KHDRBS2: variants seen among roughly 807,000 people sequenced by gnomAD.
KHDRBS2 encodes KH domain-containing, RNA-binding, signal transduction-associated protein 2.
Under a neutral mutation model 44.3 loss-of-function variants are expected in KHDRBS2, and 26 were observed. That is an observed-to-expected ratio of 0.59 (90% CI 0.43 to 0.81). The LOEUF is 0.81. Among genes scored for constraint, KHDRBS2 ranks in the 40% least tolerant of loss-of-function variants. The probability of loss-of-function intolerance (pLI) is 0.00; values close to 1 mark genes in which losing one functional copy is unlikely to be tolerated. For missense variants in KHDRBS2, 476 were observed against 433.1 expected, an observed-to-expected ratio of 1.10 and a Z score of -0.88; for synonymous variants, 194 against 151.1, an observed-to-expected ratio of 1.28 and a Z score of -2.08.
the KHDRBS2 span, among the ~76,000 whole-genome samples, chr6:61,666,795 T>C: frequency 6.6e-6 from 1 of 151,346 alleles, no homozygotes; most frequent in Non-Finnish European, 1.5e-5. Context: ...TTGTGACAAA[T>C]AGGTATTTCT....
intron 3 of KHDRBS2, among the ~76,000 whole-genome samples, chr6:62,009,451 C>T (rs1005961379): frequency 1.3e-5 from 2 of 152,172 alleles, no homozygotes; most frequent in African/African-American, 2.4e-5. Flanking sequence ...AAGAAAATCC[C>T]ATTTTCTGAG....
At chr6:62,211,895 T>C (rs1003241293) in intron 1 of KHDRBS2, among the ~76,000 whole-genome samples, 4 of 152,132 alleles carry the variant, frequency 2.6e-5, no homozygotes, top group Non-Finnish European at 5.9e-5. Context: ...AGTAAAGACA[T>C]GGAATCAACC....
At chr6:61,972,343 T>C (rs1314437403) in intron 4 of KHDRBS2, among the ~76,000 whole-genome samples, 1 of 152,178 alleles carries the variant, frequency 6.6e-6, no homozygotes, top group Non-Finnish European at 1.5e-5. Flanking sequence ...TTACAACTTA[T>C]CAGATAAGAA....
chr6:61,776,403 G>T (rs1782009305), intron 6 of KHDRBS2, among the ~76,000 whole-genome samples: 1 of 152,010 alleles, frequency 6.6e-6, no homozygotes, highest in Non-Finnish European at 1.5e-5. Context: ...CTGACAAAGG[G>T]CTAATATCCA....
At chr6:61,829,564 CCT>C (rs1205840720) in intron 6 of KHDRBS2, among the ~76,000 whole-genome samples, 2 of 151,588 alleles carry the variant, frequency 1.3e-5, no homozygotes, top group Admixed American at 1.3e-4. Flanking sequence ...AAAAAAAAAA[CCT>C]AGTAAAAGAT....
the KHDRBS2 span, among the ~76,000 whole-genome samples, chr6:61,559,241 T>C: frequency 6.6e-6 from 1 of 152,152 alleles, no homozygotes; most frequent in Admixed American, 6.5e-5. Context: ...AAACTCCTGC[T>C]CTTTCTGGGT....
rs59793779 is a variant in KHDRBS2, at chr6:61,895,122, GAA to G, written c.612-291_612-290del. Among the ~76,000 whole-genome samples, 105 of 115,860 alleles carry G rather than the reference GAA, an allele frequency of 9.1e-4. 1 individual carries two copies. The highest frequency in any genetic ancestry group is 2.6e-3 in the African/African-American group (84 of 32,064). 76.0% of individuals were successfully genotyped at this position (115,860 alleles called of 152,430 possible). On this transcript the variant is annotated intron_variant, in intron 5 of 8. Coordinates refer to ENST00000281156, the MANE Select transcript of KHDRBS2 (RefSeq NM_152688.4). ...TTATATAACTAAAAACCCAAAGCCAGAAAAAAAAAAAAAACCCAAACAAAAAC... is the reference window on the plus strand; with the variant it reads ...TTATATAACTAAAAACCCAAAGCCAGAAAAAAAAAAAACCCAAACAAAAAC...
At chr6:61,885,482 T>C (rs1800812038) in intron 6 of KHDRBS2, among the ~76,000 whole-genome samples, 1 of 152,182 alleles carries the variant, frequency 6.6e-6, no homozygotes. Flanking sequence ...AGTGTTGTAG[T>C]TCACAATGGA....
chr6:61,625,622 G>A, the KHDRBS2 span, among the ~76,000 whole-genome samples: 10 of 152,044 alleles, frequency 6.6e-5, no homozygotes, highest in South Asian at 8.3e-4. Context: ...CTTTGCTTTC[G>A]GATTGTACTG....
chr6:62,249,925 G>T (rs1348153469), intron 1 of KHDRBS2, among the ~76,000 whole-genome samples: 1 of 152,048 alleles, frequency 6.6e-6, no homozygotes, highest in Non-Finnish European at 1.5e-5. Context: ...TTCCTAGGAT[G>T]TTCTGAAGAT....
chr6:61,772,030 G>A (rs1781009097), intron 6 of KHDRBS2, among the ~76,000 whole-genome samples: 1 of 151,690 alleles, frequency 6.6e-6, no homozygotes, highest in Admixed American at 6.6e-5. Flanking sequence ...ACTCAAAACT[G>A]CTCAACCACA....
At chr6:61,870,885 G>A (rs926018489) in intron 6 of KHDRBS2, among the ~76,000 whole-genome samples, 7 of 152,276 alleles carry the variant, frequency 4.6e-5, no homozygotes, top group African/African-American at 1.7e-4. Context: ...GTAGATAAAT[G>A]CACAAAGATG....
At chr6:62,124,732 C>A (rs1339228364) in intron 2 of KHDRBS2, among the ~76,000 whole-genome samples, 7 of 151,912 alleles carry the variant, frequency 4.6e-5, no homozygotes, top group Admixed American at 1.3e-4. Context: ...TATATGATTT[C>A]TTTTCCTTTA....
At chr6:61,958,298 T>C (rs1346424365) in intron 4 of KHDRBS2, among the ~76,000 whole-genome samples, 1 of 152,138 alleles carries the variant, frequency 6.6e-6, no homozygotes, top group Non-Finnish European at 1.5e-5. Context: ...ATATCCTGTA[T>C]CTGTCAGGGT....
Position 62,131,939 on chromosome 6 carries a change from T to C in KHDRBS2, c.219+45246A>G, listed in dbSNP as rs535795727. ...TAACAATATAAATAACATCTGTTCA[T>C]TCAAAATGCATTGAGGATAAGATGA... On this transcript the variant is annotated intron_variant, in intron 2 of 8. Transcript: ENST00000281156. 3.5e-4 allele frequency among the ~76,000 whole-genome samples: 53 copies of C among 152,326 alleles called. 1 individual carries two copies. The South Asian group carries it at 0.011, about 32-fold the overall frequency.
intron 3 of KHDRBS2, among the ~76,000 whole-genome samples, chr6:61,982,875 T>C (rs941918709): frequency 3.3e-5 from 5 of 152,154 alleles, no homozygotes; most frequent in African/African-American, 1.2e-4. Flanking sequence ...ATGTCCTGTT[T>C]TCTGAATTTA....
At chr6:61,861,685 TGGCTATTCA>T (rs1797002178) in intron 6 of KHDRBS2, among the ~76,000 whole-genome samples, 1 of 151,924 alleles carries the variant, frequency 6.6e-6, no homozygotes, top group Non-Finnish European at 1.5e-5. Context: ...AGGATTGCCT[TGGCTATTCA>T]GGCTCTTTTG....
At chr6:61,957,654 T>G (rs571137923) in intron 4 of KHDRBS2, among the ~76,000 whole-genome samples, 1 of 152,312 alleles carries the variant, frequency 6.6e-6, no homozygotes, top group East Asian at 1.9e-4. Flanking sequence ...TGTCTCCTGA[T>G]AAGATGTTAT....
intron 6 of KHDRBS2, among the ~76,000 whole-genome samples, chr6:61,748,409 C>A (rs372696819): frequency 6.6e-6 from 1 of 152,106 alleles, no homozygotes; most frequent in African/African-American, 2.4e-5. Flanking sequence ...CTTAGGGCTA[C>A]CCTGGATACC....
Sources: gnomAD v4.1 joint callset for allele counts (sites outside exome capture counted in the v4.1 genomes callset) on GRCh38, gnomAD v4.1.1 for gene constraint, MANE v1.5 for transcripts, NCBI Gene and HGNC (gene_info 2026-07-23, HGNC 2026-07-21) for gene names.